The following DCLK1 variants were observed in gnomAD, a reference collection of about 807,000 sequenced individuals.
DCLK1 encodes doublecortin like kinase 1, also known as serine/threonine-protein kinase DCLK1.
A neutral mutation model predicts 86.2 loss-of-function variants in DCLK1; 16 were observed. That is an observed-to-expected ratio of 0.19 (90% CI 0.13 to 0.28). The LOEUF (loss-of-function observed/expected upper bound fraction) is 0.28. Ranked by LOEUF, DCLK1 falls within the 10% of genes least tolerant of loss-of-function variation. The probability of loss-of-function intolerance (pLI) is 1.00; values close to 1 mark genes in which losing one functional copy is unlikely to be tolerated. For synonymous variants in DCLK1, 369 were observed against 370.5 expected, an observed-to-expected ratio of 1.00 and a Z score of 0.05; for missense variants, 590 against 940.2, an observed-to-expected ratio of 0.63 and a Z score of 4.87.
chr13:36,097,907 A>G (rs1269959266), intron 3 of DCLK1, among the ~76,000 whole-genome samples: 1 of 152,212 alleles, frequency 6.6e-6, no homozygotes, highest in Non-Finnish European at 1.5e-5. Context: ...AAAACACTAT[A>G]TAATGTCAGA....
intron 4 of DCLK1, among the ~76,000 whole-genome samples, chr13:35,910,934 C>G (rs1050321596): frequency 6.6e-6 from 1 of 152,072 alleles, no homozygotes; most frequent in African/African-American, 2.4e-5. Context: ...TTTTTCAAAT[C>G]TTACTTCGTG....
chr13:35,893,358 G>A (rs1395039140), intron 4 of DCLK1, among the ~76,000 whole-genome samples: 5 of 152,186 alleles, frequency 3.3e-5, no homozygotes, highest in Admixed American at 6.5e-5. Context: ...ATAAAACCCC[G>A]TTTCTATCCT....
At chr13:35,911,330 A>C (rs969791308) in intron 4 of DCLK1, among the ~76,000 whole-genome samples, 2 of 151,546 alleles carry the variant, frequency 1.3e-5, no homozygotes, top group African/African-American at 4.8e-5. Context: ...TTTACCACCA[A>C]CAACGACCTT....
At chr13:35,952,996 T>C (rs1000208189) in intron 3 of DCLK1, among the ~76,000 whole-genome samples, 1 of 152,258 alleles carries the variant, frequency 6.6e-6, no homozygotes, top group Non-Finnish European at 1.5e-5. Context: ...CTCTTGCTTA[T>C]CAGTTACTGC....
At chr13:36,070,961 G>GA (rs1389578973) in intron 3 of DCLK1, among the ~76,000 whole-genome samples, 1 of 152,054 alleles carries the variant, frequency 6.6e-6, no homozygotes, top group African/African-American at 2.4e-5. Flanking sequence ...TTTATAAAGA[G>GA]ACCTAGGAGA....
intron 5 of DCLK1, chr13:35,855,364 T>C (rs898464519): frequency 6.2e-6 from 4 of 649,096 alleles, no homozygotes; most frequent in Admixed American, 2.6e-5. Context: ...TTTATAAAGA[T>C]GTATCAGGTC....
chr13:36,012,022 C>T (rs1881295691), intron 3 of DCLK1, among the ~76,000 whole-genome samples: 1 of 146,210 alleles, frequency 6.8e-6, no homozygotes, highest in Admixed American at 6.8e-5. Context: ...GGTTTAAAGT[C>T]TGTTTTATCA....
chr13:35,825,842 C>G (rs1461974891), intron 10 of DCLK1, among the ~76,000 whole-genome samples: 7 of 148,834 alleles, frequency 4.7e-5, no homozygotes, highest in Non-Finnish European at 1.0e-4. Flanking sequence ...GACAGAGTTT[C>G]GCTCTTTTTG....
chr13:35,822,850 G>A lies in DCLK1; in HGVS notation c.1433C>T (p.Thr478Ile). ...TCTCTCGGTGTATTTGTTAGTGGAA[G>A]TAATGGCATCAAAAAGGTCTCCCCC... ...VKGGDLFDAI[T>I]STNKYTERDA... The change falls in exon 11 of 17, where the codon ACT becomes ATT. Residue 478 changes from threonine (T) to isoleucine (I), a missense_variant. This residue lies in a region of DCLK1 where 108 missense variants were observed against 195.7 expected (regional missense o/e 0.55). Coordinates refer to ENST00000360631, the MANE Select transcript of DCLK1 (RefSeq NM_001330071.2). 1 of 1,613,830 alleles carries A rather than the reference G, an allele frequency of 6.2e-7. No homozygotes were observed. Among genetic ancestry groups the A allele is most frequent in the Non-Finnish European group, 8.5e-7 (1 of 1,179,976 alleles).
At chr13:35,964,905 T>C (rs1878650856) in intron 3 of DCLK1, among the ~76,000 whole-genome samples, 1 of 152,256 alleles carries the variant, frequency 6.6e-6, no homozygotes, top group Admixed American at 6.5e-5. Flanking sequence ...CTTGTTTACA[T>C]AACGTCTATG....
intron 3 of DCLK1, among the ~76,000 whole-genome samples, chr13:36,064,319 A>G (rs1329179557): frequency 6.6e-6 from 1 of 152,202 alleles, no homozygotes. Context: ...CACAAATGCC[A>G]TTTTCCTGCA....
At chr13:35,867,878 G>GGA (rs933977945) in intron 5 of DCLK1, among the ~76,000 whole-genome samples, 6 of 63,288 alleles carry the variant, frequency 9.5e-5, no homozygotes, top group African/African-American at 3.3e-4. Flanking sequence ...AAAGAGAGAG[G>GGA]GAGAGAGAGA....
chr13:35,790,427 T>C (rs1446194604), intron 16 of DCLK1, among the ~76,000 whole-genome samples: 3 of 152,202 alleles, frequency 2.0e-5, no homozygotes, highest in African/African-American at 7.2e-5. Context: ...TAATTGTTGA[T>C]TCCCCAACTG....
intron 5 of DCLK1, among the ~76,000 whole-genome samples, chr13:35,858,532 A>G (rs1431150711): frequency 6.6e-6 from 1 of 152,142 alleles, no homozygotes; most frequent in African/African-American, 2.4e-5. Context: ...TTTTCCCATG[A>G]GTGGCTGGTC....
At chr13:35,851,543 T>C (rs1156621357) in intron 6 of DCLK1, among the ~76,000 whole-genome samples, 1 of 152,074 alleles carries the variant, frequency 6.6e-6, no homozygotes, top group Non-Finnish European at 1.5e-5. Context: ...TGTGGGAGTA[T>C]AATGGGGAGC....
At chr13:36,048,803 C>T (rs1426445290) in intron 3 of DCLK1, among the ~76,000 whole-genome samples, 3 of 152,156 alleles carry the variant, frequency 2.0e-5, no homozygotes, top group African/African-American at 7.2e-5. Flanking sequence ...TTTACGACTG[C>T]CATTATTCTT....
At chr13:35,869,763 G>C (rs987580370) in intron 5 of DCLK1, among the ~76,000 whole-genome samples, 4 of 152,172 alleles carry the variant, frequency 2.6e-5, no homozygotes, top group African/African-American at 9.7e-5. Context: ...TCAGGGCTTT[G>C]TAGTTCTAAC....
intron 15 of DCLK1, among the ~76,000 whole-genome samples, chr13:35,793,813 T>C (rs9574617): frequency 0.32 from 48,462 of 152,050 alleles, 8,272 homozygotes; most frequent in African/African-American, 0.43. Flanking sequence ...TTAATCTAGA[T>C]GACCAGAAAA....
At chr13:35,921,376 C>T (rs142598618) in intron 4 of DCLK1, among the ~76,000 whole-genome samples, 2,546 of 152,190 alleles carry the variant, frequency 0.017, 30 homozygotes, top group South Asian at 0.029. Flanking sequence ...CACTCTCACC[C>T]CTACATACCC....
Sources: allele counts gnomAD v4.1 joint callset (sites outside exome capture counted in the v4.1 genomes callset), GRCh38; gene constraint gnomAD v4.1.1; regional missense constraint gnomAD v4.1.1; transcripts MANE v1.5; gene names NCBI Gene and HGNC (gene_info 2026-07-23, HGNC 2026-07-21).